RASA2: variants seen among roughly 807,000 people sequenced by gnomAD.
RASA2 encodes RAS p21 protein activator 2.
Under a neutral mutation model 118.2 loss-of-function variants are expected in RASA2, and 155 were observed. The observed-to-expected ratio is 1.31, with a 90% confidence interval of 1.15 to 1.50. The LOEUF is 1.50. RASA2 is among the 40% of genes most tolerant of loss of function. The pLI is 0.00. For synonymous variants in RASA2, 353 were observed against 349.1 expected (o/e 1.01, Z -0.12); for missense variants, 1,016 against 1,009.6 (o/e 1.01, Z -0.09).
At chr3:141,607,953 ACT>A (rs1321232102) in intron 20 of RASA2, among the ~76,000 whole-genome samples, 193 bp downstream of exon 20, 1 of 151,972 alleles carries the variant, frequency 6.6e-6, no homozygotes, top group Admixed American at 6.6e-5. Flanking sequence ...GCTAGCTGAA[ACT>A]CTGTCTTAAA....
At position 141,598,077 on chromosome 3, in the gene RASA2, C is replaced by G. The variant is rs185234846; in HGVS notation, c.1934-9601C>G. ...ATGAAATGTGTCCTAAAAAAGAATG[C>G]CAGGCTTAAATAGCTTTACTGGTAA... On this transcript the variant is annotated intron_variant, in intron 19 of 23. Transcript: ENST00000286364. Among the ~76,000 whole-genome samples the G allele has an allele frequency of 2.0e-5, 3 of 152,184 alleles. No individual in the cohort carries two copies. In the East Asian group the frequency reaches 5.8e-4, roughly 29 times the overall value.
In RASA2 at chr3:141,609,860, T is replaced by C. The variant is rs1293744698; in HGVS notation, c.2330-17T>C. The stretch of plus-strand genomic sequence containing the variant: ...TTTAGTTGTCTGATCAGAGATTTAT[T>C]TTCCTGCTCTTTGTAGAGGCTTGTG... On this transcript the variant is annotated splice_polypyrimidine_tract_variant and intron_variant, in intron 22 of 23. Coordinates refer to ENST00000286364, the MANE Select transcript of RASA2 (RefSeq NM_006506.5). 8 of 1,520,632 alleles carry C rather than the reference T, an allele frequency of 5.3e-6. No individual in the cohort carries two copies. Among genetic ancestry groups the C allele is most frequent in the Non-Finnish European group, 7.0e-6 (8 of 1,139,812 alleles). The allele number at this position is 1,520,632 out of a possible 1,614,324, so 94.2% of individuals were successfully genotyped here.
intron 4 of RASA2, among the ~76,000 whole-genome samples, chr3:141,531,263 A>G (rs1402363819): frequency 1.3e-5 from 2 of 151,976 alleles, no homozygotes; most frequent in Non-Finnish European, 2.9e-5. Flanking sequence ...TAAAACTCAT[A>G]AATTTTGTGA....
intron 6 of RASA2, 27 bp downstream of exon 6, chr3:141,553,967 T>C: frequency 9.5e-6 from 15 of 1,574,352 alleles, no homozygotes; most frequent in Non-Finnish European, 1.3e-5. Flanking sequence ...TATTATTAGG[T>C]TTTAAAGTTT....
chr3:141,498,799 C>T (rs539226100), intron 1 of RASA2, among the ~76,000 whole-genome samples: 10 of 152,286 alleles, frequency 6.6e-5, no homozygotes, highest in African/African-American at 9.6e-5. Flanking sequence ...TTTTGTTTGT[C>T]ATACCAGGCT....
At chr3:141,534,153 G>A (rs2082295930) in intron 4 of RASA2, among the ~76,000 whole-genome samples, 1 of 152,148 alleles carries the variant, frequency 6.6e-6, no homozygotes, top group Non-Finnish European at 1.5e-5. Flanking sequence ...CGTGCTATTA[G>A]TTATTAGGTC....
At chr3:141,602,783 T>A (rs1174092781) in intron 19 of RASA2, among the ~76,000 whole-genome samples, 1 of 152,248 alleles carries the variant, frequency 6.6e-6, no homozygotes, top group Non-Finnish European at 1.5e-5. Flanking sequence ...CTCTGTCATC[T>A]GAGCTGTGTG....
intron 9 of RASA2, among the ~76,000 whole-genome samples, chr3:141,560,838 G>A (rs917681176): frequency 6.6e-6 from 1 of 152,150 alleles, no homozygotes; most frequent in Non-Finnish European, 1.5e-5. Flanking sequence ...TCAAAGAGGA[G>A]TGTTTAGGTG....
intron 9 of RASA2, among the ~76,000 whole-genome samples, chr3:141,563,819 T>C (rs2082775462): frequency 6.6e-6 from 1 of 152,234 alleles, no homozygotes; most frequent in African/African-American, 2.4e-5. Context: ...TGAATATATT[T>C]AAAACTCAAA....
chr3:141,590,344 A>G (rs1016622026), intron 19 of RASA2, among the ~76,000 whole-genome samples: 1 of 152,158 alleles, frequency 6.6e-6, no homozygotes, highest in African/African-American at 2.4e-5. Context: ...GTTTTTCTGT[A>G]TCCTTTGTGG....
In RASA2 at chr3:141,529,703, T is replaced by C. The variant is rs766290459; in HGVS notation, c.356-5T>C. 1.2e-5 allele frequency: 20 copies of C among 1,600,092 alleles called. 2 individuals are homozygous for C. The South Asian group carries it at 2.0e-4, about 16-fold the overall frequency. On this transcript the variant is annotated splice_region_variant and splice_polypyrimidine_tract_variant and intron_variant, in intron 3 of 23. Coordinates refer to ENST00000286364, the MANE Select transcript of RASA2 (RefSeq NM_006506.5). ...TTCTTATATTGTTTTACTTATTTTC[T>C]GTAGGAAAAGTAGCCATCAAAAAAG...
intron 1 of RASA2, 93 bp from the exon 2 acceptor site, chr3:141,512,070 A>T (rs1291120744): frequency 2.5e-6 from 2 of 788,924 alleles, no homozygotes; most frequent in Non-Finnish European, 2.0e-6. Flanking sequence ...GTGCCACATT[A>T]ATATGTTCTT....
At chr3:141,521,062 T>C (rs1340117521) in intron 3 of RASA2, among the ~76,000 whole-genome samples, 4 of 152,196 alleles carry the variant, frequency 2.6e-5, no homozygotes, top group Admixed American at 2.6e-4. Context: ...GGGGAGAGGA[T>C]GACTTTGGTT....
rs138283624 is a variant in RASA2, at chr3:141,601,797, G to C, written c.1934-5881G>C. Among the ~76,000 whole-genome samples, 727 of 152,010 alleles carry C rather than the reference G, an allele frequency of 4.8e-3. 8 individuals carry two copies. Among genetic ancestry groups the C allele is most frequent in the African/African-American group, 0.017 (690 of 41,436 alleles). On this transcript the variant is annotated intron_variant, in intron 19 of 23. Coordinates refer to ENST00000286364, the MANE Select transcript of RASA2 (RefSeq NM_006506.5). ...AAATTTCTCCCCTTTTTCTTCTAGG[G>C]ATCCTCCAATTTATGCTGATAAATT...
intron 1 of RASA2, among the ~76,000 whole-genome samples, chr3:141,488,505 A>C (rs1227765708): frequency 6.6e-6 from 1 of 151,860 alleles, no homozygotes; most frequent in East Asian, 1.9e-4. Context: ...ATTTTATGAA[A>C]CCTCAGAAGC....
At chr3:141,510,487 G>C (rs1054071492) in intron 1 of RASA2, among the ~76,000 whole-genome samples, 1 of 152,130 alleles carries the variant, frequency 6.6e-6, no homozygotes, top group African/African-American at 2.4e-5. Flanking sequence ...AAGTTCTTGG[G>C]CCTCAAGAAT....
At chr3:141,563,909 C>G (rs2082776683) in intron 9 of RASA2, among the ~76,000 whole-genome samples, 1 of 151,364 alleles carries the variant, frequency 6.6e-6, no homozygotes, top group South Asian at 2.1e-4. Context: ...CAGAGAGTTC[C>G]CTACTCATTT....
rs2083021159 is a variant in RASA2, at chr3:141,576,945, ATCT to A, written c.1484-53_1484-51del. 7 of 1,177,794 alleles carry A rather than the reference ATCT, an allele frequency of 5.9e-6. 1 individual carries two copies. In the South Asian group the frequency reaches 1.0e-4, roughly 17 times the overall value. The allele number at this position is 1,177,794 out of a possible 1,614,324, so 73.0% of individuals were successfully genotyped here. A position where few individuals can be genotyped will look rare whatever the true frequency, so the allele number is the denominator to read the frequency against. On this transcript the variant is annotated intron_variant, in intron 14 of 23. Coordinates refer to ENST00000286364, the MANE Select transcript of RASA2 (RefSeq NM_006506.5). ...TCTTTTCTATATTTTTTAATTTATC[ATCT>A]TTGTTTTTTAATTGTTTTTGTGCAT...
chr3:141,501,956 T>C (rs1264493557), intron 1 of RASA2, among the ~76,000 whole-genome samples: 1 of 152,186 alleles, frequency 6.6e-6, no homozygotes, highest in Non-Finnish European at 1.5e-5. Context: ...TAGGTTGATA[T>C]TTCTATTACT....
Sources: allele counts gnomAD v4.1 joint callset (sites outside exome capture counted in the v4.1 genomes callset), GRCh38; gene constraint gnomAD v4.1.1; transcripts MANE v1.5; gene names NCBI Gene and HGNC (gene_info 2026-07-23, HGNC 2026-07-21).